The following SNX25 variants were observed in gnomAD, a reference collection of about 807,000 sequenced individuals.
SNX25 encodes sorting nexin-25.
SNX25 carries 62 observed loss-of-function variants against 113.7 expected under a neutral mutation model. The ratio of observed to expected loss-of-function variants is 0.55; its 90% confidence interval spans 0.44 to 0.67. SNX25 has a LOEUF of 0.67. SNX25 is among the 30% of genes least tolerant of loss of function. SNX25 has a pLI of 0.00. For synonymous variants in SNX25, 421 were observed against 436.2 expected, an observed-to-expected ratio of 0.97 and a Z score of 0.43; for missense variants, 1,014 against 1,161.0, an observed-to-expected ratio of 0.87 and a Z score of 1.84.
chr4:185,306,262 A>G (rs545403614), intron 6 of SNX25, among the ~76,000 whole-genome samples: 1 of 152,350 alleles, frequency 6.6e-6, no homozygotes, highest in Non-Finnish European at 1.5e-5. Flanking sequence ...TTTAGCTCTG[A>G]ATGTGGCATT....
intron 1 of SNX25, among the ~76,000 whole-genome samples, chr4:185,224,122 C>T (rs748794256): frequency 6.6e-5 from 10 of 152,114 alleles, no homozygotes; most frequent in African/African-American, 1.4e-4. Context: ...GGAGGCTAGG[C>T]GGGTGGGTCA....
intron 16 of SNX25, among the ~76,000 whole-genome samples, chr4:185,358,110 T>C (rs1201825239): frequency 6.6e-6 from 1 of 152,174 alleles, no homozygotes; most frequent in Non-Finnish European, 1.5e-5. Flanking sequence ...AGAAGGCAAG[T>C]AGGATGAGCA....
intron 2 of SNX25, among the ~76,000 whole-genome samples, chr4:185,255,929 C>T (rs13136095): frequency 0.34 from 51,758 of 152,052 alleles, 10,659 homozygotes; most frequent in East Asian, 0.57. Flanking sequence ...AAACCATTTC[C>T]GCTGTTTTTC....
At chr4:185,249,930 T>C (rs567267432) in intron 2 of SNX25, among the ~76,000 whole-genome samples, 1 of 152,328 alleles carries the variant, frequency 6.6e-6, no homozygotes, top group African/African-American at 2.4e-5. Flanking sequence ...ACATCCGGGC[T>C]ATCTTGATGT....
At chr4:185,241,059 C>T (rs1743866883) in intron 1 of SNX25, among the ~76,000 whole-genome samples, 1 of 151,428 alleles carries the variant, frequency 6.6e-6, no homozygotes, top group African/African-American at 2.4e-5. Context: ...AGACGCTCCT[C>T]ACTTCCCAGA....
At chr4:185,333,190 G>C (rs1471353793) in intron 10 of SNX25, among the ~76,000 whole-genome samples, 1 of 152,240 alleles carries the variant, frequency 6.6e-6, no homozygotes, top group Non-Finnish European at 1.5e-5. Context: ...CAATTTGAAA[G>C]TTTAAAAATG....
chr4:185,374,269 T>C (rs769293372), downstream of SNX25: 8 of 1,614,054 alleles, frequency 5.0e-6, no homozygotes, highest in Non-Finnish European at 6.8e-6. Flanking sequence ...CATGTTATTC[T>C]CGGTTTCAGC....
chr4:185,343,335 A>C (rs1041774987), intron 12 of SNX25, among the ~76,000 whole-genome samples: 2 of 152,250 alleles, frequency 1.3e-5, no homozygotes, highest in African/African-American at 4.8e-5. Flanking sequence ...GGCACATAGT[A>C]AACATCATTG....
In SNX25 at chr4:185,343,527, G is replaced by C. The variant is rs140230600; in HGVS notation, c.2187+1411G>C. On this transcript the variant is annotated intron_variant, in intron 12 of 18. Transcript: ENST00000652585. ...TCTAGGTTAATTCTTTTATTTGAGAGAGGAGGGAAACCGATCCCAGAGCTT... is the reference window on the plus strand; with the variant it reads ...TCTAGGTTAATTCTTTTATTTGAGACAGGAGGGAAACCGATCCCAGAGCTT... Among the ~76,000 whole-genome samples the C allele has an allele frequency of 2.0e-5, 3 of 152,328 alleles. No individual in the cohort carries two copies. The East Asian group carries it at 5.8e-4, about 29-fold the overall frequency.
intron 7 of SNX25, among the ~76,000 whole-genome samples, chr4:185,317,538 A>G (rs2095084151): frequency 6.6e-6 from 1 of 152,238 alleles, no homozygotes. Flanking sequence ...TTATTACAGC[A>G]CTATTTACAA....
the SNX25 span, among the ~76,000 whole-genome samples, chr4:185,376,143 C>T: frequency 6.6e-6 from 1 of 152,154 alleles, no homozygotes; most frequent in African/African-American, 2.4e-5. Context: ...CAGTCTACTT[C>T]CCAGGCCACC....
At chr4:185,240,701 A>AC (rs559898439) in intron 1 of SNX25, among the ~76,000 whole-genome samples, 4,204 of 142,438 alleles carry the variant, frequency 0.03, 94 homozygotes, top group Middle Eastern at 0.069. Context: ...CGGGGGGCTG[A>AC]CCCCCACCTC....
chr4:185,372,629 G>C (rs374897963), downstream of SNX25, among the ~76,000 whole-genome samples: 1 of 152,202 alleles, frequency 6.6e-6, no homozygotes, highest in Admixed American at 6.5e-5. Flanking sequence ...CTTAAGAGGC[G>C]ACGAGGCCAT....
chr4:185,328,572 G>T (rs1439694121), intron 9 of SNX25, among the ~76,000 whole-genome samples: 1 of 152,178 alleles, frequency 6.6e-6, no homozygotes, highest in Non-Finnish European at 1.5e-5. Context: ...TTTTAATTAA[G>T]CTGAGCGCTT....
chr4:185,349,652 T>C (rs962032903), intron 13 of SNX25, among the ~76,000 whole-genome samples: 11 of 152,226 alleles, frequency 7.2e-5, no homozygotes, highest in African/African-American at 2.7e-4. Context: ...TGATCATTTT[T>C]TCATATACCT....
At chr4:185,318,032 C>T (rs1347817063) in intron 7 of SNX25, among the ~76,000 whole-genome samples, 3 of 152,090 alleles carry the variant, frequency 2.0e-5, no homozygotes, top group Non-Finnish European at 2.9e-5. Context: ...ACTGCATCAT[C>T]CTCAGAAAAA....
intron 1 of SNX25, among the ~76,000 whole-genome samples, chr4:185,245,972 T>A (rs555662004): frequency 6.6e-6 from 1 of 152,286 alleles, no homozygotes; most frequent in African/African-American, 2.4e-5. Flanking sequence ...GGCAGAGTCC[T>A]AGGAGTGGCA....
At chr4:185,310,892 T>G (rs1018943481) in intron 7 of SNX25, 76 bp downstream of exon 7, 1 of 1,398,144 alleles carries the variant, frequency 7.2e-7, no homozygotes, top group African/African-American at 1.4e-5. Context: ...ATAAAGACTT[T>G]CAACTTTTTA....
At chr4:185,374,546 TCCG>T, downstream of SNX25, 1 of 1,431,548 alleles carries the variant, frequency 7.0e-7, no homozygotes, top group Non-Finnish European at 9.5e-7. Flanking sequence ...CTGTGAAGTG[TCCG>T]CCCTCTGACA....
Sources: allele counts gnomAD v4.1 joint callset (sites outside exome capture counted in the v4.1 genomes callset), GRCh38; gene constraint gnomAD v4.1.1; transcripts MANE v1.5; gene names NCBI Gene and HGNC (gene_info 2026-07-23, HGNC 2026-07-21).